Variants in TOR1AIP1 observed in about 807,000 individuals in gnomAD.
The protein encoded by TOR1AIP1 is torsin-1A-interacting protein 1.
A neutral mutation model predicts 63.3 loss-of-function variants in TOR1AIP1; 54 were observed. The observed-to-expected ratio is 0.85, with a 90% confidence interval of 0.69 to 1.07. The LOEUF is 1.07. Ranked by LOEUF, TOR1AIP1 falls within the 50% of genes least tolerant of loss-of-function variation. The pLI is 0.00. For missense variants in TOR1AIP1, 736 were observed against 715.0 expected, an observed-to-expected ratio of 1.03 and a Z score of -0.33; for synonymous variants, 294 against 273.5, an observed-to-expected ratio of 1.07 and a Z score of -0.74.
chr1:179,905,153 GA>G (rs1477845871), intron 6 of TOR1AIP1, among the ~76,000 whole-genome samples: 1 of 152,054 alleles, frequency 6.6e-6, no homozygotes, highest in Non-Finnish European at 1.5e-5. Flanking sequence ...AAGGCAGGCG[GA>G]TCACTAGGTC....
At chr1:179,894,305 GTT>G (rs886430720) in intron 3 of TOR1AIP1, among the ~76,000 whole-genome samples, 26 of 151,490 alleles carry the variant, frequency 1.7e-4, no homozygotes, top group African/African-American at 6.3e-4. Context: ...TCATTTGTTT[GTT>G]GTCAGAGTAA....
Position 179,918,261 on chromosome 1 carries a change from C to T in TOR1AIP1, c.*22C>T, listed in dbSNP as rs777071358. 2 of 1,555,664 alleles carry T rather than the reference C, an allele frequency of 1.3e-6. No individual in the cohort carries two copies. Among genetic ancestry groups the T allele is most frequent in the Admixed American group, 4.1e-5 (2 of 49,110 alleles). On this transcript the variant is annotated 3_prime_UTR_variant, in exon 10 of 10. Coordinates refer to ENST00000606911, the MANE Select transcript of TOR1AIP1 (RefSeq NM_015602.4). ...ATAAGAAGTGAGAGAGAAGAAAAAT[C>T]ATGTCCCAAGTTCTGAGAATTGTTC...
At chr1:179,891,043 A>AT (rs1353001719) in intron 3 of TOR1AIP1, among the ~76,000 whole-genome samples, 1 of 152,180 alleles carries the variant, frequency 6.6e-6, no homozygotes, top group African/African-American at 2.4e-5. Flanking sequence ...CCCAGTCCCT[A>AT]TGACTAGGAC....
At chr1:179,885,170 A>C (rs1447986734) in intron 2 of TOR1AIP1, among the ~76,000 whole-genome samples, 4 of 152,258 alleles carry the variant, frequency 2.6e-5, no homozygotes, top group Non-Finnish European at 5.9e-5. Context: ...ACTTTTCTTC[A>C]TGGTAAAATC....
chr1:179,892,425 A>G (rs894661779), intron 3 of TOR1AIP1, among the ~76,000 whole-genome samples: 1 of 152,010 alleles, frequency 6.6e-6, no homozygotes, highest in Non-Finnish European at 1.5e-5. Context: ...GTGAGCCGCA[A>G]TCACGCCATT....
rs1398409808 is a variant in TOR1AIP1, at chr1:179,917,683, A to G, written c.1196A>G (p.Asn399Ser). The change falls in exon 10 of 10, where the codon AAT becomes AGT. Residue 399 changes from asparagine (N) to serine (S), a missense_variant. Asn to Ser is a conservative substitution (Grantham distance 46). Around this residue, in one of 2 missense-constraint regions of TOR1AIP1, gnomAD observed 272 missense variants for 344.1 expected, o/e 0.79. Transcript: ENST00000606911. Reference sequence around the variant, plus strand: ...CAAACATTCCTGGAAAAACATCTTAATAGCTCCCATCCTCGGTCTCAGCCT... The same window carrying G: ...CAAACATTCCTGGAAAAACATCTTAGTAGCTCCCATCCTCGGTCTCAGCCT... ...RSQTFLEKHL[N>S]SSHPRSQPAI... The G allele has an allele frequency of 2.5e-6, 4 of 1,614,206 alleles. No individual in the cohort carries two copies. Among genetic ancestry groups the G allele is most frequent in the Non-Finnish European group, 2.5e-6 (3 of 1,180,040 alleles).
At chr1:179,905,310 T>C (rs1408279974) in intron 6 of TOR1AIP1, among the ~76,000 whole-genome samples, 1 of 151,912 alleles carries the variant, frequency 6.6e-6, no homozygotes, top group African/African-American at 2.4e-5. Flanking sequence ...GAGGGGGCAG[T>C]GCGGAGCTTG....
intron 5 of TOR1AIP1, among the ~76,000 whole-genome samples, chr1:179,902,489 G>A (rs140683258): frequency 4.1e-4 from 62 of 152,186 alleles, no homozygotes; most frequent in African/African-American, 1.4e-3. Flanking sequence ...CCAGGCTTAA[G>A]CAATTCTCCT....
At chr1:179,899,769 C>T (rs969174658) in intron 3 of TOR1AIP1, among the ~76,000 whole-genome samples, 2 of 152,112 alleles carry the variant, frequency 1.3e-5, no homozygotes, top group South Asian at 4.1e-4. Flanking sequence ...CTCAGCCTCC[C>T]GAGTAGCTGG....
intron 3 of TOR1AIP1, among the ~76,000 whole-genome samples, chr1:179,898,950 A>ATT (rs1468618352): frequency 1.3e-5 from 2 of 151,910 alleles, no homozygotes; most frequent in Non-Finnish European, 2.9e-5. Context: ...TCAGATACTG[A>ATT]TTTGCACTTG....
intron 3 of TOR1AIP1, among the ~76,000 whole-genome samples, chr1:179,893,262 AAAC>A (rs990166442): frequency 2.7e-5 from 4 of 147,750 alleles, no homozygotes; most frequent in South Asian, 2.1e-4. Context: ...ACAAACAAAC[AAAC>A]AAAAAAAAAA....
In TOR1AIP1 at chr1:179,887,904, G is replaced by C. The variant is rs1647956582; in HGVS notation, c.554-1409G>C. 3 of 152,310 alleles carry C rather than the reference G, an allele frequency of 2.0e-5. No homozygotes were observed. In the South Asian group the frequency reaches 6.2e-4, roughly 32 times the overall value. 9.4% of individuals were successfully genotyped at this position (152,310 alleles called of 1,614,324 possible). A position where few individuals can be genotyped will look rare whatever the true frequency, so the allele number is the denominator to read the frequency against. The stretch of plus-strand genomic sequence containing the variant: ...TGGGCCAGTCTCCATGCTTTGATTT[G>C]AGGGTGCAGTGGTGAACAAAAGCAG... On this transcript the variant is annotated intron_variant, in intron 2 of 9. Coordinates refer to ENST00000606911, the MANE Select transcript of TOR1AIP1 (RefSeq NM_015602.4).
intron 5 of TOR1AIP1, among the ~76,000 whole-genome samples, chr1:179,902,086 C>T (rs983860709): frequency 1.4e-5 from 2 of 138,792 alleles, no homozygotes; most frequent in Non-Finnish European, 3.0e-5. Context: ...AGTGCAGTGG[C>T]GCAATGTCGG....
intron 3 of TOR1AIP1, among the ~76,000 whole-genome samples, chr1:179,891,572 T>C (rs1648083551): frequency 8.8e-6 from 1 of 114,138 alleles, no homozygotes; most frequent in Non-Finnish European, 2.0e-5. Flanking sequence ...ATTTATTTAT[T>C]TTTATTTTCT....
intron 8 of TOR1AIP1, chr1:179,913,600 A>G: frequency 1.4e-6 from 1 of 702,384 alleles, no homozygotes; most frequent in Non-Finnish European, 2.6e-6. Flanking sequence ...TTCACCAGGC[A>G]AGAGTTCAAT....
chr1:179,899,951 T>C (rs1157938834), intron 3 of TOR1AIP1, among the ~76,000 whole-genome samples, 175 bp from the exon 4 acceptor site: 2 of 152,218 alleles, frequency 1.3e-5, no homozygotes, highest in South Asian at 4.1e-4. Context: ...GGCCAATTCT[T>C]AGTGATTTAA....
At chr1:179,898,960 G>T (rs1648366415) in intron 3 of TOR1AIP1, among the ~76,000 whole-genome samples, 2 of 151,958 alleles carry the variant, frequency 1.3e-5, no homozygotes, top group African/African-American at 4.8e-5. Flanking sequence ...ATTTGCACTT[G>T]CCACTGTCAA....
At chr1:179,909,755 G>A (rs1558045863) in intron 8 of TOR1AIP1, among the ~76,000 whole-genome samples, 2 of 151,750 alleles carry the variant, frequency 1.3e-5, no homozygotes, top group African/African-American at 4.8e-5. Flanking sequence ...TTTTGGGGGT[G>A]TTTTGTTTTG....
At chr1:179,896,358 A>G (rs1007698871) in intron 3 of TOR1AIP1, among the ~76,000 whole-genome samples, 1 of 151,890 alleles carries the variant, frequency 6.6e-6, no homozygotes, top group African/African-American at 2.4e-5. Flanking sequence ...GCTCACTGCA[A>G]CCTCCGCCTC....
Sources: allele counts gnomAD v4.1 joint callset (sites outside exome capture counted in the v4.1 genomes callset), GRCh38; gene constraint gnomAD v4.1.1; regional missense constraint gnomAD v4.1.1; transcripts MANE v1.5; gene names NCBI Gene and HGNC (gene_info 2026-07-23, HGNC 2026-07-21).